SYCP2: variants seen among roughly 807,000 people sequenced by gnomAD.
The protein encoded by SYCP2 is synaptonemal complex lateral element protein.
A neutral mutation model predicts 211.3 loss-of-function variants in SYCP2; 55 were observed. That is an observed-to-expected ratio of 0.26 (90% confidence interval 0.21 to 0.33). The LOEUF is 0.33. Among genes scored for constraint, SYCP2 ranks in the 10% least tolerant of loss-of-function variants. SYCP2 has a pLI of 1.00. For synonymous variants in SYCP2, 570 were observed against 555.2 expected (o/e 1.03, Z -0.37); for missense variants, 1,731 against 1,752.0 (o/e 0.99, Z 0.21).
chr20:59,894,177 T>C (rs771224796), intron 20 of SYCP2, among the ~76,000 whole-genome samples: 8 of 152,010 alleles, frequency 5.3e-5, no homozygotes, highest in Non-Finnish European at 7.4e-5. Flanking sequence ...TTCCCTTTAG[T>C]CTAAGCTATT....
At chr20:59,907,339 T>C (rs1189564497) in intron 15 of SYCP2, 25 bp downstream of exon 15, 5 of 1,487,166 alleles carry the variant, frequency 3.4e-6, no homozygotes, top group Non-Finnish European at 4.7e-6. Flanking sequence ...TTAAGAAAAT[T>C]ATTAGAAAAA....
At chr20:59,929,168 C>T (rs2060687833) in intron 2 of SYCP2, among the ~76,000 whole-genome samples, 1 of 152,094 alleles carries the variant, frequency 6.6e-6, no homozygotes, top group East Asian at 1.9e-4. Context: ...AATGCTACCT[C>T]CATGGTAATC....
chr20:59,919,045 G>C (rs543082830), intron 7 of SYCP2, 113 bp downstream of exon 7: 1 of 532,064 alleles, frequency 1.9e-6, no homozygotes, highest in East Asian at 3.7e-5. Flanking sequence ...GTTGATCCTT[G>C]AATCAGATAA....
intron 26 of SYCP2, among the ~76,000 whole-genome samples, chr20:59,885,521 T>C (rs2059768933): frequency 2.0e-5 from 3 of 151,934 alleles, no homozygotes; most frequent in Admixed American, 2.0e-4. Flanking sequence ...TGTGAGGAAT[T>C]AGAAAAAAGA....
chr20:59,927,969 G>A (rs904764306), intron 2 of SYCP2, among the ~76,000 whole-genome samples: 2 of 152,130 alleles, frequency 1.3e-5, no homozygotes, highest in African/African-American at 4.8e-5. Context: ...CAGGGTGGAA[G>A]GTGAAAAATG....
intron 17 of SYCP2, among the ~76,000 whole-genome samples, 153 bp downstream of exon 17, chr20:59,900,591 G>A (rs2060097387): frequency 6.6e-6 from 1 of 152,028 alleles, no homozygotes. Flanking sequence ...TTAATAACAT[G>A]TTTAAACATC....
At position 59,903,875 on chromosome 20, in the gene SYCP2, G is replaced by A. The variant is rs187058017; in HGVS notation, c.1034-2065C>T. ...GAAGCTGGAGACTTCCACTTCTGGG[G>A]AAAATGTAGGATATTGTGGCAGGCT... On this transcript the variant is annotated intron_variant, in intron 15 of 44. Coordinates refer to ENST00000357552, the MANE Select transcript of SYCP2 (RefSeq NM_014258.4). Among the ~76,000 whole-genome samples the A allele has an allele frequency of 3.3e-3, 503 of 152,248 alleles. 4 individuals carry two copies. Among genetic ancestry groups the A allele is most frequent in the Non-Finnish European group, 5.4e-3 (364 of 67,990 alleles).
Position 59,866,557 on chromosome 20 carries a change from C to A in SYCP2, c.4158G>T (p.Thr1386=). The stretch of plus-strand genomic sequence containing the variant: ...GTTGCTGAGCTGTTTTCCAAGACTG[C>A]GTAGTAAAATAACTCAACATTTTAT... ...IRHKMLSYFT[T]QSWKTAQQHL... The change falls in exon 40 of 45, where the codon ACG becomes ACT. Residue 1386 remains threonine, a synonymous_variant. Coordinates refer to ENST00000357552, the MANE Select transcript of SYCP2 (RefSeq NM_014258.4). 1 of 1,603,326 alleles carries A rather than the reference C, an allele frequency of 6.2e-7. No individual in the cohort carries two copies. The highest frequency in any genetic ancestry group is 8.5e-7 in the Non-Finnish European group (1 of 1,175,836).
At chr20:59,888,733 TG>T (rs2059845067) in intron 24 of SYCP2, among the ~76,000 whole-genome samples, 1 of 152,092 alleles carries the variant, frequency 6.6e-6, no homozygotes, top group Non-Finnish European at 1.5e-5. Context: ...ATGACCTGTC[TG>T]TAGAAAATCT....
At chr20:59,874,430 G>C (rs905820813) in intron 34 of SYCP2, among the ~76,000 whole-genome samples, 3 of 152,026 alleles carry the variant, frequency 2.0e-5, no homozygotes, top group African/African-American at 7.2e-5. Flanking sequence ...AAAAAGGCTT[G>C]AGAAATCATC....
At position 59,869,815 on chromosome 20, in the gene SYCP2, T is replaced by G; in HGVS notation, c.3724A>C (p.Ile1242Leu). The G allele has an allele frequency of 6.2e-7, 1 of 1,604,042 alleles. No individual in the cohort carries two copies. Among genetic ancestry groups the G allele is most frequent in the Non-Finnish European group, 8.5e-7 (1 of 1,173,320 alleles). ...IESPHINENY[I>L]QSKREESHLA... ...ACACTTACCTCTCTTTTGCTTTGTA[T>G]ATAATTTTCATTGATATGTGGAGAT... Residue 1242 changes from isoleucine to leucine, a missense_variant, in exon 36 of 45, where the codon ATA (isoleucine) becomes CTA (leucine). By Grantham distance (5) the Ile-to-Leu change is conservative. Around this residue, in one of 3 missense-constraint regions of SYCP2, gnomAD observed 1,387 missense variants for 1,351.3 expected, o/e 1.03. Coordinates refer to ENST00000357552, the MANE Select transcript of SYCP2 (RefSeq NM_014258.4).
intron 33 of SYCP2, among the ~76,000 whole-genome samples, chr20:59,876,724 T>C (rs1041077997): frequency 2.0e-5 from 3 of 152,080 alleles, no homozygotes; most frequent in Non-Finnish European, 4.4e-5. Flanking sequence ...GTAAAGTGCT[T>C]AATATAGCAG....
At chr20:59,881,861 T>C in intron 28 of SYCP2, 84 bp downstream of exon 28, 2 of 1,113,528 alleles carry the variant, frequency 1.8e-6, no homozygotes, top group Admixed American at 2.1e-5. Flanking sequence ...AGGATGCACA[T>C]TAAAAACATT....
intron 43 of SYCP2, 36 bp from the exon 44 acceptor site, chr20:59,865,480 T>C: frequency 6.3e-7 from 1 of 1,592,916 alleles, no homozygotes; most frequent in Non-Finnish European, 8.6e-7. Flanking sequence ...CCATGAAATT[T>C]ACCATAAAGT....
At chr20:59,882,045 T>C (rs767630666) in intron 27 of SYCP2, 43 bp from the exon 28 acceptor site, 2 of 1,602,032 alleles carry the variant, frequency 1.2e-6, no homozygotes, top group Admixed American at 1.7e-5. Context: ...TAAATATGTG[T>C]AGTCTCTTCA....
intron 35 of SYCP2, among the ~76,000 whole-genome samples, chr20:59,870,697 G>A (rs1003044537): frequency 6.6e-6 from 1 of 151,808 alleles, no homozygotes; most frequent in African/African-American, 2.4e-5. Context: ...TGGTGGGGCA[G>A]GGGGTATGTA....
intron 18 of SYCP2, among the ~76,000 whole-genome samples, chr20:59,897,707 A>G (rs776486684): frequency 1.3e-5 from 2 of 152,192 alleles, no homozygotes; most frequent in Non-Finnish European, 2.9e-5. Flanking sequence ...GCCAAAATAT[A>G]TGGAAGTGCC....
chr20:59,870,465 GA>G (rs778086440), intron 35 of SYCP2, among the ~76,000 whole-genome samples: 3 of 151,432 alleles, frequency 2.0e-5, no homozygotes, highest in Non-Finnish European at 4.4e-5. Context: ...ACAGCAAAAA[GA>G]AGACCCATAA....
chr20:59,885,359 A>G (rs2059765259), intron 26 of SYCP2, among the ~76,000 whole-genome samples: 1 of 152,144 alleles, frequency 6.6e-6, no homozygotes, highest in Admixed American at 6.6e-5. Flanking sequence ...AATTGTTAAC[A>G]CATAAAACCT....
Sources: allele counts gnomAD v4.1 joint callset (sites outside exome capture counted in the v4.1 genomes callset), GRCh38; gene constraint gnomAD v4.1.1; regional missense constraint gnomAD v4.1.1; transcripts MANE v1.5; gene names NCBI Gene and HGNC (gene_info 2026-07-23, HGNC 2026-07-21).